The following WDR4 variants were observed in gnomAD, a reference collection of about 807,000 sequenced individuals.
WDR4 encodes WDR4 tRNA N7-guanosine methyltransferase non-catalytic subunit.
In WDR4, 47 loss-of-function variants were observed where a neutral mutation model predicts 48.6. That is an observed-to-expected ratio of 0.97 (90% CI 0.77 to 1.23). The LOEUF (loss-of-function observed/expected upper bound fraction) is 1.23. Ranked by LOEUF, WDR4 falls within the 50% of genes most tolerant of loss-of-function variation. The pLI, the probability that WDR4 is intolerant of heterozygous loss-of-function variation, is 0.00. For missense variants in WDR4, 606 were observed against 551.6 expected, an observed-to-expected ratio of 1.10 and a Z score of -0.99; for synonymous variants, 268 against 230.0, an observed-to-expected ratio of 1.17 and a Z score of -1.49.
At chr21:42,892,117 G>A in the WDR4 span, among the ~76,000 whole-genome samples, 5 of 151,970 alleles carry the variant, frequency 3.3e-5, no homozygotes, top group African/African-American at 1.2e-4. Flanking sequence ...AGCCGGGCGT[G>A]GTGGCGGGTG....
At chr21:42,852,827 A>C (rs919680729) in intron 9 of WDR4, among the ~76,000 whole-genome samples, 1 of 151,922 alleles carries the variant, frequency 6.6e-6, no homozygotes, top group Non-Finnish European at 1.5e-5. Context: ...AGGCAGGAGA[A>C]TCACTTGAAC....
At chr21:42,852,189 C>T in intron 10 of WDR4, 66 bp downstream of exon 10, 2 of 1,557,120 alleles carry the variant, frequency 1.3e-6, no homozygotes, top group Non-Finnish European at 8.8e-7. Flanking sequence ...ACAGTGTGTG[C>T]TTCTGCTTTC....
chr21:42,873,693 T>C lies in WDR4; in HGVS notation c.156-2A>G. 1 of 1,612,682 alleles carries C rather than the reference T, an allele frequency of 6.2e-7. No individual in the cohort carries two copies. Among genetic ancestry groups the C allele is most frequent in the South Asian group, 1.1e-5 (1 of 90,920 alleles). On this transcript the variant is annotated splice_acceptor_variant, in intron 2 of 10. Transcript: ENST00000398208. LOFTEE classifies it high-confidence loss of function. ...CCCTGGTCCAAGGGCGCGTCCTCCC[T>C]GAGGAAGAGAGGAGGAAGACGGTTA...
intron 5 of WDR4, among the ~76,000 whole-genome samples, chr21:42,860,333 T>C (rs1047295383): frequency 6.6e-6 from 1 of 152,130 alleles, no homozygotes; most frequent in African/African-American, 2.4e-5. Flanking sequence ...AGCACAGGAC[T>C]CAAAGTCACA....
chr21:42,879,573 C>T, upstream of WDR4: 1 of 1,544,576 alleles, frequency 6.5e-7, no homozygotes, highest in African/African-American at 1.4e-5. Flanking sequence ...TGACGCCAGG[C>T]GCAGACGCCG....
rs2058147219 is a variant in WDR4 at position 42,862,693 on chromosome 21, G to T, written c.454-299C>A. On this transcript the variant is annotated intron_variant, in intron 4 of 10. Coordinates refer to ENST00000398208, the MANE Select transcript of WDR4 (RefSeq NM_018669.6). The surrounding 1 kb of genome is among the most constrained non-coding windows in gnomAD (Gnocchi z 4.3). ...GTCTCCCGCACCTTGGCAAATCCAG[G>T]CCCCACGCCCATTTCCACCCGCCAC... Among the ~76,000 whole-genome samples the T allele has an allele frequency of 6.6e-6, 1 of 152,072 alleles. No homozygotes were observed. Among genetic ancestry groups the T allele is most frequent in the Non-Finnish European group, 1.5e-5 (1 of 68,006 alleles).
At position 42,876,708 on chromosome 21, in the gene WDR4, T is replaced by C. The variant is rs2058499952; in HGVS notation, c.149A>G (p.Asn50Ser). The change falls in exon 2 of 11, where the codon AAT becomes AGT. Residue 50 changes from asparagine (N) to serine (S), a missense_variant. Physicochemically the swap from Asn to Ser is conservative, Grantham distance 46. Coordinates refer to ENST00000398208, the MANE Select transcript of WDR4 (RefSeq NM_018669.6). ...AAGCTTCCCCACATCTCACCCTTTA[T>C]TTTCTTGTGACTTCTTTTCTGCAGC... ...CSAAEKKSQE[N>S]KGEDAPLDQG... 20 of 1,613,722 alleles carry C rather than the reference T, an allele frequency of 1.2e-5. No individual in the cohort carries two copies. Among genetic ancestry groups the C allele is most frequent in the Non-Finnish European group, 1.7e-5 (20 of 1,179,854 alleles).
upstream of WDR4, among the ~76,000 whole-genome samples, chr21:42,883,965 C>T (rs1454007036): frequency 6.6e-6 from 1 of 152,162 alleles, no homozygotes; most frequent in Non-Finnish European, 1.5e-5. Flanking sequence ...CCCTTTCACC[C>T]TCCCCATAAA....
chr21:42,883,274 CA>C (rs56707881), upstream of WDR4, among the ~76,000 whole-genome samples: 41,353 of 77,372 alleles, frequency 0.53, 6,995 homozygotes, highest in African/African-American at 0.59. Flanking sequence ...GACTCTGTCT[CA>C]AAAAAAAAAA....
Position 42,878,459 on chromosome 21 carries a change from AATCATCTGGGAT to A in WDR4, c.89+936_89+947del, listed in dbSNP as rs567801366. On this transcript the variant is annotated intron_variant, in intron 1 of 10. Transcript: ENST00000398208. ...ATTAGACCGTGAGTCTCTAAAACAA[AATCATCTGGGAT>A]ATGTGACGGGTTTCTGAGTACAATT... 6.4e-4 allele frequency among the ~76,000 whole-genome samples: 98 copies of A among 152,332 alleles called. 1 individual carries two copies. The highest frequency in any genetic ancestry group is 2.1e-3 in the African/African-American group (88 of 41,584).
rs1345106759 is a variant in WDR4, at chr21:42,853,594, T to C, written c.950A>G (p.Tyr317Cys). ...QDCQEAPLVLYRPVGDQWQSV... is the reference protein window; with the variant it reads ...QDCQEAPLVLCRPVGDQWQSV... ...CTGCCACTGGTCGCCCACAGGCCTG[T>C]AGAGCACCAGGGGGGCTTCCTGGCA... The change falls in exon 9 of 11, where the codon TAC becomes TGC. Residue 317 changes from tyrosine to cysteine, a missense_variant. Transcript: ENST00000398208. The C allele has an allele frequency of 8.7e-6, 14 of 1,610,748 alleles. No individual in the cohort carries two copies. In the African/African-American group the frequency reaches 1.6e-4, roughly 18 times the overall value.
At chr21:42,887,305 T>A in the WDR4 span, among the ~76,000 whole-genome samples, 3 of 151,290 alleles carry the variant, frequency 2.0e-5, no homozygotes, top group Admixed American at 2.0e-4. Flanking sequence ...TTTTTTTTTT[T>A]TTTTTTTTTA....
intron 1 of WDR4, among the ~76,000 whole-genome samples, chr21:42,877,840 C>A (rs867605125): frequency 7.2e-5 from 11 of 151,854 alleles, no homozygotes; most frequent in South Asian, 2.1e-4. Flanking sequence ...GTCAGGAGAT[C>A]GAGACCAGCC....
intron 3 of WDR4, among the ~76,000 whole-genome samples, chr21:42,869,599 AC>A (rs1166115505): frequency 6.6e-6 from 1 of 152,160 alleles, no homozygotes; most frequent in East Asian, 1.9e-4. Flanking sequence ...ATTTTGTAAA[AC>A]TAAAGTGTCC....
downstream of WDR4, among the ~76,000 whole-genome samples, chr21:42,846,914 G>A (rs1420099030): frequency 3.9e-5 from 6 of 151,978 alleles, no homozygotes; most frequent in Non-Finnish European, 7.4e-5. Context: ...CCAGCTACTC[G>A]GGAGGCTGAG....
chr21:42,852,078 T>G (rs1040000420), intron 10 of WDR4, among the ~76,000 whole-genome samples, 177 bp downstream of exon 10: 3 of 152,204 alleles, frequency 2.0e-5, no homozygotes, highest in Non-Finnish European at 2.9e-5. Context: ...GGCTCCTTCT[T>G]CTGCTGTGCG....
upstream of WDR4, among the ~76,000 whole-genome samples, chr21:42,880,441 A>G (rs905594078): frequency 2.0e-5 from 3 of 152,020 alleles, no homozygotes; most frequent in Admixed American, 2.0e-4. Flanking sequence ...AAAAAGATTA[A>G]TTTTCTCTCC....
At chr21:42,861,260 G>A (rs1028600998) in intron 5 of WDR4, among the ~76,000 whole-genome samples, 1 of 143,646 alleles carries the variant, frequency 7.0e-6, no homozygotes, top group Non-Finnish European at 1.5e-5. Context: ...GTTGCAGTGA[G>A]CCAAGATCAC....
chr21:42,875,379 G>A (rs577743525), intron 2 of WDR4, among the ~76,000 whole-genome samples: 2 of 152,122 alleles, frequency 1.3e-5, no homozygotes, highest in Non-Finnish European at 2.9e-5. Flanking sequence ...GTAAAACCTC[G>A]TCTCTACTAA....
Sources: gnomAD v4.1 joint callset for allele counts (sites outside exome capture counted in the v4.1 genomes callset) on GRCh38, gnomAD v4.1.1 for gene constraint, Gnocchi (gnomAD v3.1) non-coding constraint, MANE v1.5 for transcripts, NCBI Gene and HGNC (gene_info 2026-07-23, HGNC 2026-07-21) for gene names.